DOCK9: variants seen among roughly 807,000 people sequenced by gnomAD.
DOCK9 encodes dedicator of cytokinesis protein 9.
DOCK9 carries 89 observed loss-of-function variants against 263.3 expected under a neutral mutation model. The observed-to-expected ratio is 0.34, with a 90% CI of 0.28 to 0.40. The LOEUF (loss-of-function observed/expected upper bound fraction) is 0.40, where lower values mean the gene tolerates loss of function less well. Among genes scored for constraint, DOCK9 ranks in the 10% least tolerant of loss-of-function variants. The pLI, the probability that DOCK9 is intolerant of heterozygous loss-of-function variation, is 1.00. For synonymous variants in DOCK9, 976 were observed against 973.1 expected (o/e 1.00, Z -0.06); for missense variants, 2,140 against 2,603.4 (o/e 0.82, Z 3.87).
chr13:98,875,751 A>G (rs1247911721), intron 27 of DOCK9, among the ~76,000 whole-genome samples: 2 of 152,214 alleles, frequency 1.3e-5, no homozygotes, highest in Admixed American at 6.5e-5. Context: ...CATGTCACCT[A>G]TGAAACTAGA....
intron 34 of DOCK9, chr13:98,854,626 T>C (rs554325051): frequency 6.6e-6 from 1 of 152,150 alleles, no homozygotes; most frequent in East Asian, 1.9e-4. Context: ...GGTGGAATCA[T>C]TAGAAGGGAA....
At chr13:98,872,864 A>G (rs1463700308) in intron 27 of DOCK9, among the ~76,000 whole-genome samples, 1 of 152,108 alleles carries the variant, frequency 6.6e-6, no homozygotes, top group Non-Finnish European at 1.5e-5. Flanking sequence ...TCCTGGCCCC[A>G]CCACTATGCT....
chr13:98,821,366 T>C (rs1214176598), intron 45 of DOCK9, among the ~76,000 whole-genome samples: 1 of 152,200 alleles, frequency 6.6e-6, no homozygotes, highest in African/African-American at 2.4e-5. Flanking sequence ...GGTCCTTCTA[T>C]GTAATTTCTC....
At chr13:98,882,257 C>G (rs920096999) in intron 23 of DOCK9, among the ~76,000 whole-genome samples, 1 of 151,798 alleles carries the variant, frequency 6.6e-6, no homozygotes, top group Non-Finnish European at 1.5e-5. Context: ...CCCATGGAAT[C>G]GCAAAGGGCC....
chr13:98,821,435 A>G (rs1387554119), intron 45 of DOCK9, among the ~76,000 whole-genome samples: 1 of 152,198 alleles, frequency 6.6e-6, no homozygotes, highest in Non-Finnish European at 1.5e-5. Flanking sequence ...GGGCACTGCA[A>G]CATCCCTTGT....
intron 44 of DOCK9, among the ~76,000 whole-genome samples, chr13:98,826,477 G>T (rs115287648): frequency 6.6e-6 from 1 of 152,180 alleles, no homozygotes; most frequent in Non-Finnish European, 1.5e-5. Context: ...ATAATCTCCC[G>T]TTACAACTTT....
chr13:98,824,405 A>T lies in DOCK9; in HGVS notation c.5123T>A (p.Phe1708Tyr). Residue 1708 changes from phenylalanine (F) to tyrosine (Y), a missense_variant, in exon 45 of 53, where the codon TTC becomes TAC. Physicochemically the swap from Phe to Tyr is conservative, Grantham distance 22. Coordinates refer to ENST00000682017, the MANE Select transcript of DOCK9 (RefSeq NM_001366683.2). ...MEDVGMQDVH[F>Y]NEDVLMELLE... Reference sequence around the variant, plus strand: ...ATGAGTTCAAGCACGCACCTCGTTGAAATGGACATCCTGCATCCCCACGTC... The same window carrying T: ...ATGAGTTCAAGCACGCACCTCGTTGTAATGGACATCCTGCATCCCCACGTC... 6 of 1,613,838 alleles carry T rather than the reference A, an allele frequency of 3.7e-6. No individual in the cohort carries two copies. The highest frequency in any genetic ancestry group is 5.1e-6 in the Non-Finnish European group (6 of 1,179,768).
chr13:99,019,054 A>C (rs1885758517), intron 1 of DOCK9, among the ~76,000 whole-genome samples: 1 of 152,190 alleles, frequency 6.6e-6, no homozygotes. Flanking sequence ...ATTCAATCAC[A>C]GGCAGGAACA....
At chr13:99,022,891 T>C (rs932664007) in intron 1 of DOCK9, among the ~76,000 whole-genome samples, 3 of 152,164 alleles carry the variant, frequency 2.0e-5, no homozygotes, top group East Asian at 3.8e-4. Context: ...GAAGGCCGCA[T>C]TGAGCTATGA....
chr13:99,050,860 G>C (rs1304728761), intron 1 of DOCK9, among the ~76,000 whole-genome samples: 1 of 152,104 alleles, frequency 6.6e-6, no homozygotes, highest in African/African-American at 2.4e-5. Flanking sequence ...GGCCCCCCCA[G>C]GTGTTGGTAA....
upstream of DOCK9, among the ~76,000 whole-genome samples, chr13:98,981,061 GT>G (rs1038373466): frequency 6.8e-4 from 97 of 142,060 alleles, 1 homozygote; most frequent in Admixed American, 1.1e-3. Context: ...TTTGTTTTTT[GT>G]TTTTTTTTTT....
At chr13:98,946,990 G>A (rs1311349737) in intron 2 of DOCK9, among the ~76,000 whole-genome samples, 3 of 152,092 alleles carry the variant, frequency 2.0e-5, no homozygotes, top group Admixed American at 1.3e-4. Context: ...CATGCTCTCG[G>A]CCCCTTTCAT....
At chr13:99,017,859 C>T (rs1885617215) in intron 1 of DOCK9, among the ~76,000 whole-genome samples, 1 of 152,144 alleles carries the variant, frequency 6.6e-6, no homozygotes, top group African/African-American at 2.4e-5. Flanking sequence ...GTAGGACAAG[C>T]TTGGTCTAAA....
intron 2 of DOCK9, chr13:98,949,578 C>CT (rs1397138404): frequency 6.0e-6 from 1 of 165,642 alleles, no homozygotes; most frequent in African/African-American, 2.4e-5. Context: ...TGAACATCAC[C>CT]TACTGTCTTT....
intron 52 of DOCK9, among the ~76,000 whole-genome samples, chr13:98,795,629 C>G (rs1299910025): frequency 6.6e-6 from 1 of 152,232 alleles, no homozygotes; most frequent in Non-Finnish European, 1.5e-5. Context: ...TGACCAAACT[C>G]TCCATTCTAT....
At chr13:99,084,293 GA>G (rs1228153260) in intron 1 of DOCK9, among the ~76,000 whole-genome samples, 1 of 152,186 alleles carries the variant, frequency 6.6e-6, no homozygotes, top group East Asian at 1.9e-4. Context: ...CTGCAATTCA[GA>G]ACCATCACAA....
intron 2 of DOCK9, among the ~76,000 whole-genome samples, chr13:98,938,452 C>G (rs571353769): frequency 6.6e-6 from 1 of 152,250 alleles, no homozygotes; most frequent in South Asian, 2.1e-4. Context: ...TAAGTCTGTT[C>G]CTCTCAAATG....
chr13:98,918,579 C>G (rs2051290543), intron 7 of DOCK9, among the ~76,000 whole-genome samples: 1 of 152,084 alleles, frequency 6.6e-6, no homozygotes. Flanking sequence ...AACATCAGAA[C>G]CTTCCAAACG....
chr13:99,015,528 C>A, intron 1 of DOCK9: 2 of 1,598,358 alleles, frequency 1.3e-6, no homozygotes, highest in Non-Finnish European at 1.7e-6. Context: ...TCTCTCCTTG[C>A]TGTTTGCACA....
Sources: gnomAD v4.1 joint callset for allele counts (sites outside exome capture counted in the v4.1 genomes callset) on GRCh38, gnomAD v4.1.1 for gene constraint, MANE v1.5 for transcripts, NCBI Gene and HGNC (gene_info 2026-07-23, HGNC 2026-07-21) for gene names.